KCNC4: variants seen among roughly 807,000 people sequenced by gnomAD.
KCNC4 encodes potassium voltage-gated channel subfamily C member 4, also known as voltage-gated potassium channel KCNC4.
Under a neutral mutation model 42.8 loss-of-function variants are expected in KCNC4, and 23 were observed. That is an observed-to-expected ratio of 0.54 (90% CI 0.39 to 0.76). KCNC4 has a LOEUF of 0.76. KCNC4 is among the 30% of genes least tolerant of loss of function. The probability of loss-of-function intolerance (pLI) is 0.00; values close to 1 mark genes in which losing one functional copy is unlikely to be tolerated. For missense variants in KCNC4, 751 were observed against 898.2 expected (o/e 0.84, Z 2.10); for synonymous variants, 422 against 393.5 (o/e 1.07, Z -0.86).
chr1:110,278,172 A>AAGGG (rs1324162947), intron 1 of KCNC4, among the ~76,000 whole-genome samples: 23 of 143,438 alleles, frequency 1.6e-4, no homozygotes, highest in Non-Finnish European at 1.7e-4. Flanking sequence ...GGAAGGAAGG[A>AAGGG]AGGGAGGGAG....
At position 110,223,798 on chromosome 1, in the gene KCNC4, C is replaced by T; in HGVS notation, c.1513C>T (p.Pro505Ser). The T allele has an allele frequency of 6.2e-7, 1 of 1,614,118 alleles. No homozygotes were observed. Among genetic ancestry groups the T allele is most frequent in the Non-Finnish European group, 8.5e-7 (1 of 1,180,000 alleles). ...HVPRPAQLES[P>S]MYCKSEETSP... The stretch of plus-strand genomic sequence containing the variant: ...GCCACGGCCGGCGCAGCTGGAGTCA[C>T]CCATGTACTGCAAGTCTGAGGAGAC... Residue 505 changes from proline to serine, a missense_variant, in exon 2 of 4, where the codon CCC becomes TCC. This residue lies in a region of KCNC4 where 202 missense variants were observed against 181.5 expected (regional missense o/e 1.11). Coordinates refer to ENST00000438661, the MANE Select transcript of KCNC4 (RefSeq NM_001039574.3). This position sits in a 1 kb window ranked among gnomAD's most constrained non-coding sequence, Gnocchi z 7.5.
At chr1:110,255,679 C>G (rs529351465) in intron 1 of KCNC4, among the ~76,000 whole-genome samples, 36 of 152,312 alleles carry the variant, frequency 2.4e-4, no homozygotes, top group African/African-American at 8.2e-4. Context: ...AACCGAACTT[C>G]CTCTCAGGAA....
intron 1 of KCNC4, among the ~76,000 whole-genome samples, chr1:110,213,469 A>G (rs1429458601): frequency 6.6e-6 from 1 of 152,124 alleles, no homozygotes; most frequent in Non-Finnish European, 1.5e-5. Flanking sequence ...AAGGCAGGGT[A>G]GGGAATTGGG....
Position 110,223,773 on chromosome 1 carries a change from G to A in KCNC4, c.1488G>A (p.Val496=), listed in dbSNP as rs1658241211. The change falls in exon 2 of 4, where the codon GTG becomes GTA. Residue 496 remains valine (V), a synonymous_variant. Transcript: ENST00000438661. This position sits in a 1 kb window ranked among gnomAD's most constrained non-coding sequence, Gnocchi z 7.5. The part of the protein sequence containing the change: ...QKLPKKRKKH[V]PRPAQLESPM... ...TGCCCAAGAAACGGAAGAAGCACGT[G>A]CCACGGCCGGCGCAGCTGGAGTCAC... The A allele has an allele frequency of 6.2e-7, 1 of 1,614,162 alleles. No homozygotes were observed. The highest frequency in any genetic ancestry group is 8.5e-7 in the Non-Finnish European group (1 of 1,180,034).
At chr1:110,262,670 C>T (rs535174084) in intron 1 of KCNC4, among the ~76,000 whole-genome samples, 39 of 152,316 alleles carry the variant, frequency 2.6e-4, no homozygotes, top group Middle Eastern at 3.4e-3. Context: ...CTGTCTCTAT[C>T]AACCTTGTCA....
downstream of KCNC4, chr1:110,235,573 A>G (rs889260285): frequency 6.6e-6 from 1 of 152,116 alleles, no homozygotes; most frequent in Non-Finnish European, 1.5e-5. Context: ...AGGGGTGGCA[A>G]CTGGGGTCCC....
Position 110,223,804 on chromosome 1 carries a change from T to G in KCNC4, c.1519T>G (p.Tyr507Asp). Residue 507 changes from tyrosine (Y) to aspartate (D), a missense_variant, in exon 2 of 4, where the codon TAC becomes GAC. By Grantham distance (160) the Tyr-to-Asp change is radical. Around this residue, in one of 4 missense-constraint regions of KCNC4, gnomAD observed 202 missense variants for 181.5 expected, o/e 1.11. Coordinates refer to ENST00000438661, the MANE Select transcript of KCNC4 (RefSeq NM_001039574.3). This position sits in a 1 kb window ranked among gnomAD's most constrained non-coding sequence, Gnocchi z 7.5. ...GCCGGCGCAGCTGGAGTCACCCATG[T>G]ACTGCAAGTCTGAGGAGACTTCCCC... is the stretch of plus-strand genomic sequence containing the variant. ...PRPAQLESPM[Y>D]CKSEETSPRD... The G allele has an allele frequency of 6.2e-7, 1 of 1,614,110 alleles. No individual in the cohort carries two copies. Among genetic ancestry groups the G allele is most frequent in the South Asian group, 1.1e-5 (1 of 91,084 alleles).
intron 1 of KCNC4, among the ~76,000 whole-genome samples, chr1:110,257,774 G>C (rs899483482): frequency 1.3e-5 from 2 of 151,144 alleles, no homozygotes; most frequent in African/African-American, 4.9e-5. Context: ...GGCTGGTATG[G>C]CAGCTCTAAC....
chr1:110,251,478 G>T (rs184646026), downstream of KCNC4, among the ~76,000 whole-genome samples: 3 of 152,294 alleles, frequency 2.0e-5, no homozygotes, highest in African/African-American at 7.2e-5. Context: ...TGCCATGATT[G>T]TGAGGCACCC....
At chr1:110,224,175 G>GT in intron 2 of KCNC4, 1 of 411,836 alleles carries the variant, frequency 2.4e-6, no homozygotes, top group Non-Finnish European at 4.3e-6. Context: ...AGATGCCCTG[G>GT]TTTTAAATCC....
downstream of KCNC4, among the ~76,000 whole-genome samples, chr1:110,283,517 G>A (rs1183011726): frequency 4.6e-5 from 7 of 152,198 alleles, no homozygotes; most frequent in African/African-American, 1.7e-4. Context: ...GTCTCTCTCA[G>A]TGGAAGTGGA....
chr1:110,261,124 T>C (rs1295784961), intron 1 of KCNC4, among the ~76,000 whole-genome samples: 2 of 151,356 alleles, frequency 1.3e-5, no homozygotes, highest in East Asian at 1.9e-4. Flanking sequence ...AATTTTTTCA[T>C]TGATGCTTGA....
chr1:110,235,639 G>C (rs993581668), downstream of KCNC4: 11 of 152,170 alleles, frequency 7.2e-5, no homozygotes, highest in African/African-American at 2.7e-4. Context: ...GAGGGTGGAG[G>C]GGTGGACGAG....
chr1:110,270,902 G>A (rs1659623106), intron 1 of KCNC4, among the ~76,000 whole-genome samples: 1 of 152,214 alleles, frequency 6.6e-6, no homozygotes, highest in African/African-American at 2.4e-5. Flanking sequence ...CCAGGACATT[G>A]GAGGAGTCTA....
chr1:110,220,032 G>C lies in KCNC4; in HGVS notation c.679-2932G>C, dbSNP rs192694993. Reference sequence around the variant, plus strand: ...ACAGTGGAGATTGAGGCCCCACCAAGGTTTCAACAAAGGAGGAGGGGATTA... The same window carrying C: ...ACAGTGGAGATTGAGGCCCCACCAACGTTTCAACAAAGGAGGAGGGGATTA... On this transcript the variant is annotated intron_variant, in intron 1 of 3. Transcript: ENST00000438661. 3.3e-5 allele frequency: 5 copies of C among 152,290 alleles called. No homozygotes were observed. The East Asian group carries it at 7.7e-4, about 24-fold the overall frequency. The allele number at this position is 152,290 out of a possible 1,614,324, so 9.4% of individuals were successfully genotyped here. A position where few individuals can be genotyped will look rare whatever the true frequency, so the allele number is the denominator to read the frequency against.
intron 3 of KCNC4, chr1:110,232,545 C>T: frequency 7.0e-7 from 1 of 1,434,526 alleles, no homozygotes; most frequent in South Asian, 1.5e-5. Flanking sequence ...TGCACTGGAG[C>T]TTTGAAGACC....
chr1:110,224,054 A>C (rs1419703261), intron 2 of KCNC4, 154 bp downstream of exon 2: 1 of 638,746 alleles, frequency 1.6e-6, no homozygotes, highest in South Asian at 2.1e-5. Flanking sequence ...GTTGAGGCCG[A>C]ATTTCTCTGT....
At chr1:110,272,282 C>T (rs571523053) in intron 1 of KCNC4, among the ~76,000 whole-genome samples, 5 of 152,284 alleles carry the variant, frequency 3.3e-5, no homozygotes, top group African/African-American at 7.2e-5. Flanking sequence ...GTTGCACAGC[C>T]AGAATGCAAT....
intron 1 of KCNC4, among the ~76,000 whole-genome samples, chr1:110,269,288 A>G (rs975600242): frequency 1.3e-5 from 2 of 152,154 alleles, no homozygotes; most frequent in African/African-American, 4.8e-5. Flanking sequence ...GAACAATTCC[A>G]TCACCCCAAA....
Sources: gnomAD v4.1 joint callset for allele counts (sites outside exome capture counted in the v4.1 genomes callset) on GRCh38, gnomAD v4.1.1 for gene constraint, gnomAD v4.1.1 regional missense constraint, Gnocchi (gnomAD v3.1) non-coding constraint, MANE v1.5 for transcripts, NCBI Gene and HGNC (gene_info 2026-07-23, HGNC 2026-07-21) for gene names.